DNAJC24: variants seen among roughly 807,000 people sequenced by gnomAD.
The protein encoded by DNAJC24 is DnaJ heat shock protein family (Hsp40) member C24.
Under a neutral mutation model 18.0 loss-of-function variants are expected in DNAJC24, and 17 were observed. That is an observed-to-expected ratio of 0.94 (90% confidence interval 0.65 to 1.42). The LOEUF (loss-of-function observed/expected upper bound fraction) is 1.42, where lower values mean the gene tolerates loss of function less well. DNAJC24 is among the 40% of genes most tolerant of loss of function. The pLI is 0.00. For synonymous variants in DNAJC24, 55 were observed against 57.7 expected (o/e 0.95, Z 0.21); for missense variants, 158 against 175.6 (o/e 0.90, Z 0.57).
At chr11:31,407,158 G>A (rs892554240) in intron 2 of DNAJC24, among the ~76,000 whole-genome samples, 3 of 152,126 alleles carry the variant, frequency 2.0e-5, no homozygotes, top group Non-Finnish European at 4.4e-5. Flanking sequence ...AAAGTGCTAT[G>A]TCCTCAAGTG....
At chr11:31,382,278 A>G (rs1202364337) in intron 2 of DNAJC24, among the ~76,000 whole-genome samples, 2 of 152,200 alleles carry the variant, frequency 1.3e-5, no homozygotes, top group Admixed American at 1.3e-4. Context: ...AGGAAGAATG[A>G]CTTACCTCTC....
intron 2 of DNAJC24, 73 bp downstream of exon 2, chr11:31,370,932 G>A: frequency 1.1e-6 from 1 of 933,292 alleles, no homozygotes; most frequent in African/African-American, 1.7e-5. Flanking sequence ...ACAAATTTAG[G>A]TTTCCAGAAA....
chr11:31,378,247 G>A (rs1952337889), intron 2 of DNAJC24, among the ~76,000 whole-genome samples: 2 of 152,078 alleles, frequency 1.3e-5, no homozygotes, highest in South Asian at 4.1e-4. Context: ...GATATAACTT[G>A]TCTTGTAGTT....
intron 2 of DNAJC24, among the ~76,000 whole-genome samples, chr11:31,382,907 G>GT (rs1330770093): frequency 5.9e-5 from 9 of 152,236 alleles, no homozygotes; most frequent in African/African-American, 2.2e-4. Context: ...CTGACTGGCT[G>GT]TAAATCTGGG....
intron 2 of DNAJC24, among the ~76,000 whole-genome samples, chr11:31,374,961 A>G (rs1198907552): frequency 7.5e-6 from 1 of 133,672 alleles, no homozygotes; most frequent in African/African-American, 2.5e-5. Context: ...TTACACATTT[A>G]TGCCTTTTTT....
At position 31,375,898 on chromosome 11, in the gene DNAJC24, A is replaced by G. The variant is rs559524096; in HGVS notation, c.111+5039A>G. ...GATAGCTATGTATACTATGGGAGCA[A>G]GAAGTCTCAGCTAACAACCTGGCAG... On this transcript the variant is annotated intron_variant, in intron 2 of 4. Transcript: ENST00000465995. Among the ~76,000 whole-genome samples the G allele has an allele frequency of 5.2e-5, 7 of 135,422 alleles. 1 individual carries two copies. The South Asian group carries it at 1.5e-3, about 29-fold the overall frequency. The allele number at this position is 135,422 out of a possible 152,430, so 88.8% of individuals were successfully genotyped here. A position where few individuals can be genotyped will look rare whatever the true frequency, so the allele number is the denominator to read the frequency against.
At chr11:31,423,477 T>C (rs1057252525) in intron 3 of DNAJC24, among the ~76,000 whole-genome samples, 3 of 152,154 alleles carry the variant, frequency 2.0e-5, no homozygotes, top group Non-Finnish European at 2.9e-5. Context: ...GTCAGGCTGG[T>C]CTCGAACTCC....
intron 4 of DNAJC24, chr11:31,426,692 A>G (rs1199559878): frequency 5.6e-6 from 1 of 177,458 alleles, no homozygotes; most frequent in Non-Finnish European, 1.2e-5. Context: ...ATGTCAAACA[A>G]GATAGTTTTT....
intron 2 of DNAJC24, among the ~76,000 whole-genome samples, chr11:31,401,273 G>A (rs926390204): frequency 6.6e-6 from 1 of 152,132 alleles, no homozygotes; most frequent in Admixed American, 6.5e-5. Context: ...TTACACTGTT[G>A]GTGGGAGTGT....
At chr11:31,388,873 G>A (rs771166840) in intron 2 of DNAJC24, among the ~76,000 whole-genome samples, 2 of 151,882 alleles carry the variant, frequency 1.3e-5, no homozygotes, top group Admixed American at 6.5e-5. Context: ...GGAGGATGAA[G>A]TAAAAGTTCA....
At chr11:31,396,811 C>A (rs980427424) in intron 2 of DNAJC24, among the ~76,000 whole-genome samples, 7 of 152,006 alleles carry the variant, frequency 4.6e-5, no homozygotes, top group Non-Finnish European at 8.8e-5. Flanking sequence ...ATGATTTGAC[C>A]CCAGTCTAGC....
Position 31,380,502 on chromosome 11 carries a change from A to C in DNAJC24, c.111+9643A>C, listed in dbSNP as rs924807593. ...ACAAAGACAGGAAAACATTTTTGTC[A>C]GTCCTTTCTGAAGGGATTAATATCC... On this transcript the variant is annotated intron_variant, in intron 2 of 4. Coordinates refer to ENST00000465995, the MANE Select transcript of DNAJC24 (RefSeq NM_181706.5). Among the ~76,000 whole-genome samples, 5 of 152,206 alleles carry C rather than the reference A, an allele frequency of 3.3e-5. 1 individual carries two copies. Among genetic ancestry groups the C allele is most frequent in the Admixed American group, 2.0e-4 (3 of 15,286 alleles).
intron 2 of DNAJC24, among the ~76,000 whole-genome samples, chr11:31,383,495 A>C (rs1312805267): frequency 6.6e-6 from 1 of 152,220 alleles, no homozygotes; most frequent in African/African-American, 2.4e-5. Flanking sequence ...AACTTCAGAT[A>C]CTGTACTTCA....
At chr11:31,422,184 TTTA>T in intron 3 of DNAJC24, 1 of 215,258 alleles carries the variant, frequency 4.6e-6, no homozygotes, top group Middle Eastern at 1.1e-3. Flanking sequence ...AGAACCTCTC[TTTA>T]TAATGTACTG....
Position 31,430,522 on chromosome 11 carries a change from C to T in DNAJC24, c.*121C>T. 1.3e-6 allele frequency: 1 copy of T among 775,650 alleles called. No homozygotes were observed. The highest frequency in any genetic ancestry group is 1.9e-6 in the Non-Finnish European group (1 of 537,880). 48.0% of individuals were successfully genotyped at this position (775,650 alleles called of 1,614,324 possible). ...CCCGATTATTTGCAAAGAAAATATA[C>T]AATTATCAAGCAGAGACCACCTCAG... is the stretch of plus-strand genomic sequence containing the variant. On this transcript the variant is annotated 3_prime_UTR_variant, in exon 5 of 5. Transcript: ENST00000465995.
rs563724642 is a variant in DNAJC24 at position 31,370,171 on chromosome 11, A to G, written c.-34+259A>G. On this transcript the variant is annotated intron_variant, in intron 1 of 4. Coordinates refer to ENST00000465995, the MANE Select transcript of DNAJC24 (RefSeq NM_181706.5). ...TTTGCGAGGTCTCAGCGCCTCTCCA[A>G]TAACAGGGGACTCTTGTTCTCTACC... Among the ~76,000 whole-genome samples, 6 of 152,316 alleles carry G rather than the reference A, an allele frequency of 3.9e-5. No individual in the cohort carries two copies. The East Asian group carries it at 5.8e-4, about 15-fold the overall frequency.
At chr11:31,399,750 T>C (rs1344501423) in intron 2 of DNAJC24, among the ~76,000 whole-genome samples, 4 of 147,862 alleles carry the variant, frequency 2.7e-5, no homozygotes, top group Admixed American at 1.3e-4. Flanking sequence ...TTTTTTTTTT[T>C]TTTTTTTTTT....
intron 2 of DNAJC24, among the ~76,000 whole-genome samples, chr11:31,401,109 C>T (rs1472143344): frequency 2.6e-5 from 4 of 152,026 alleles, no homozygotes; most frequent in Admixed American, 1.3e-4. Context: ...ATTTATGTGG[C>T]CAAGAAACAT....
chr11:31,391,238 C>G (rs571009502), intron 2 of DNAJC24, among the ~76,000 whole-genome samples: 34 of 152,104 alleles, frequency 2.2e-4, no homozygotes, highest in Admixed American at 7.9e-4. Flanking sequence ...AAACCCACAG[C>G]TAGTATTATA....
Sources: gnomAD v4.1 joint callset for allele counts (sites outside exome capture counted in the v4.1 genomes callset) on GRCh38, gnomAD v4.1.1 for gene constraint, MANE v1.5 for transcripts, NCBI Gene and HGNC (gene_info 2026-07-23, HGNC 2026-07-21) for gene names.